The following ZSCAN29 variants were observed in gnomAD, a reference collection of about 807,000 sequenced individuals.
ZSCAN29 encodes the protein zinc finger and SCAN domain containing 29.
A neutral mutation model predicts 71.9 loss-of-function variants in ZSCAN29; 55 were observed. The ratio of observed to expected loss-of-function variants is 0.76; its 90% confidence interval spans 0.62 to 0.96. The LOEUF is 0.96. Among genes scored for constraint, ZSCAN29 ranks in the 40% least tolerant of loss-of-function variants. The pLI is 0.00. For synonymous variants in ZSCAN29, 351 were observed against 371.6 expected (o/e 0.94, Z 0.64); for missense variants, 1,042 against 1,042.2 (o/e 1.00, Z 0.00).
rs1271599490 is a variant in ZSCAN29 at position 43,358,650 on chromosome 15, A to G, written c.*2423T>C. The G allele has an allele frequency of 2.0e-5, 3 of 152,250 alleles. No individual in the cohort carries two copies. Among genetic ancestry groups the G allele is most frequent in the South Asian group, 2.1e-4 (1 of 4,836 alleles). The allele number at this position is 152,250 out of a possible 1,614,324, so 9.4% of individuals were successfully genotyped here. On this transcript the variant is annotated 3_prime_UTR_variant, in exon 6 of 6. Transcript: ENST00000684362. The stretch of plus-strand genomic sequence containing the variant: ...AATTCTAATTGAATGTGAAACGGCT[A>G]CTTATCCCAGTCCTTGGCCATCTGG...
Position 43,361,645 on chromosome 15 carries a change from T to C in ZSCAN29, c.1987A>G (p.Asn663Asp). The change falls in exon 6 of 6, where the codon AAC (asparagine) becomes GAC (aspartate). Residue 663 changes from asparagine to aspartate, a missense_variant. By Grantham distance (23) the Asn-to-Asp change is conservative. Transcript: ENST00000684362. The part of the protein sequence containing the change: ...YLKYSKSFGP[N>D]SLLMHQVSHQ... Reference sequence around the variant, plus strand: ...GATACCTGATGCATGAGAAGGGAGTTTGGACCAAAGCTTTTGCTGTATTTG... The same window carrying C: ...GATACCTGATGCATGAGAAGGGAGTCTGGACCAAAGCTTTTGCTGTATTTG... 2 of 1,614,180 alleles carry C rather than the reference T, an allele frequency of 1.2e-6. No homozygotes were observed. The highest frequency in any genetic ancestry group is 1.7e-6 in the Non-Finnish European group (2 of 1,180,026).
intron 5 of ZSCAN29, 90 bp from the exon 6 acceptor site, chr15:43,362,031 C>CTG (rs1232856969): frequency 3.6e-5 from 49 of 1,354,462 alleles, no homozygotes; most frequent in Non-Finnish European, 4.9e-5. Context: ...AGCATTACAC[C>CTG]ACATGATTAA....
In ZSCAN29 at chr15:43,366,368, G is replaced by C; in HGVS notation, c.964C>G (p.Pro322Ala). ...VKSGHPPETCPFFEEMEALMS... is the reference protein window; with the variant it reads ...VKSGHPPETCAFFEEMEALMS... ...AGGGCTTCCATCTCTTCAAAGAAGG[G>C]GCAGGTCTCAGGTGGGTGGCCGCTC... The change falls in exon 4 of 6, where the codon CCC becomes GCC. Residue 322 changes from proline to alanine, a missense_variant. Coordinates refer to ENST00000684362, the MANE Select transcript of ZSCAN29 (RefSeq NM_001372080.1). 2 of 1,614,022 alleles carry C rather than the reference G, an allele frequency of 1.2e-6. No homozygotes were observed. The highest frequency in any genetic ancestry group is 1.7e-6 in the Non-Finnish European group (2 of 1,180,048).
intron 4 of ZSCAN29, among the ~76,000 whole-genome samples, chr15:43,365,368 G>A (rs185480902): frequency 1.3e-5 from 2 of 152,302 alleles, no homozygotes; most frequent in Admixed American, 1.3e-4. Flanking sequence ...GGATTCCATA[G>A]GCAAGAATAT....
intron 5 of ZSCAN29, 98 bp from the exon 6 acceptor site, chr15:43,362,039 T>C: frequency 7.8e-7 from 1 of 1,285,264 alleles, no homozygotes; most frequent in South Asian, 1.5e-5. Flanking sequence ...ACCACATGAT[T>C]AAAATTTAGG....
chr15:43,364,232 G>A lies in ZSCAN29; in HGVS notation c.1373C>T (p.Pro458Leu). 1 of 1,614,152 alleles carries A rather than the reference G, an allele frequency of 6.2e-7. No homozygotes were observed. Among genetic ancestry groups the A allele is most frequent in the Non-Finnish European group, 8.5e-7 (1 of 1,180,028 alleles). Residue 458 changes from proline to leucine, a missense_variant, in exon 5 of 6, where the codon CCA becomes CTA. By Grantham distance (98) the Pro-to-Leu change is moderately conservative. Coordinates refer to ENST00000684362, the MANE Select transcript of ZSCAN29 (RefSeq NM_001372080.1). ...TTTAAACTTGGTCCGACACTGTTCT[G>A]GGGTCCTAAGAAAGCCATATTCCCA... ...RLWEYGFLRT[P>L]EQCRTKFKSL... is the part of the protein sequence containing the mutation.
At position 43,366,519 on chromosome 15, in the gene ZSCAN29, G is replaced by A. The variant is rs1171362939; in HGVS notation, c.813C>T (p.Asn271=). The change falls in exon 4 of 6, where the codon AAC becomes AAT. Residue 271 remains asparagine (N), a synonymous_variant. Coordinates refer to ENST00000684362, the MANE Select transcript of ZSCAN29 (RefSeq NM_001372080.1). The stretch of plus-strand genomic sequence containing the variant: ...CATACACTTGGCTGTTCCTATGGCA[G>A]TTTCTGAGAGCCTCATAAAACTCAG... The part of the protein sequence containing the change: ...SQTEFYEALR[N]CHRNSQVYGA... The A allele has an allele frequency of 3.1e-6, 5 of 1,614,244 alleles. No homozygotes were observed. The highest frequency in any genetic ancestry group is 4.2e-6 in the Non-Finnish European group (5 of 1,180,036).
rs1033911840 is a variant in ZSCAN29, at chr15:43,358,464, A to G, written c.*2609T>C. On this transcript the variant is annotated 3_prime_UTR_variant, in exon 6 of 6. Transcript: ENST00000684362. ...TTGTAGCTTCCTGTCTGCTTAGGCA[A>G]CATAACAGAAGTACCATCTTCCCTT... is the stretch of plus-strand genomic sequence containing the variant. 1 of 152,184 alleles carries G rather than the reference A, an allele frequency of 6.6e-6. No individual in the cohort carries two copies. Among genetic ancestry groups the G allele is most frequent in the Non-Finnish European group, 1.5e-5 (1 of 68,040 alleles). 9.4% of individuals were successfully genotyped at this position (152,184 alleles called of 1,614,324 possible).
At position 43,361,239 on chromosome 15, in the gene ZSCAN29, CTCTT is replaced by C; in HGVS notation, c.2389_2392del (p.Lys797ValfsTer49). 6 of 1,614,186 alleles carry C rather than the reference CTCTT, an allele frequency of 3.7e-6. No individual in the cohort carries two copies. Among genetic ancestry groups the C allele is most frequent in the South Asian group, 1.1e-5 (1 of 91,082 alleles). ...ACGTAAGTCAGAACTCTTACTGAAA[CTCTT>C]TCCACAGTCAGGACACACATGGGGT... On this transcript the variant is annotated frameshift_variant, in exon 6 of 6. Transcript: ENST00000684362. LOFTEE classifies it high-confidence loss of function.
intron 5 of ZSCAN29, among the ~76,000 whole-genome samples, chr15:43,362,865 T>A (rs2043995718): frequency 6.6e-6 from 1 of 152,222 alleles, no homozygotes; most frequent in Non-Finnish European, 1.5e-5. Flanking sequence ...AATGCTGATC[T>A]TAAAGACTTA....
chr15:43,369,518 T>A, intron 2 of ZSCAN29, 78 bp downstream of exon 2: 1 of 1,477,600 alleles, frequency 6.8e-7, no homozygotes, highest in Non-Finnish European at 9.2e-7. Context: ...TGTGTCCCTC[T>A]TTAAGCCTGT....
Position 43,358,986 on chromosome 15 carries a change from C to G in ZSCAN29, c.*2087G>C, listed in dbSNP as rs968795500. 2.6e-5 allele frequency: 4 copies of G among 152,202 alleles called. No homozygotes were observed. Among genetic ancestry groups the G allele is most frequent in the Non-Finnish European group, 5.9e-5 (4 of 68,056 alleles). 9.4% of individuals were successfully genotyped at this position (152,202 alleles called of 1,614,324 possible). ...AGCTTTATCTGGCCTTCCTTACAGT[C>G]TATCCTTTGCCCTTTGTTCCATCTA... On this transcript the variant is annotated 3_prime_UTR_variant, in exon 6 of 6. Transcript: ENST00000684362.
chr15:43,359,128 G>A lies in ZSCAN29; in HGVS notation c.*1945C>T, dbSNP rs928081079. 1 of 152,046 alleles carries A rather than the reference G, an allele frequency of 6.6e-6. No individual in the cohort carries two copies. Among genetic ancestry groups the A allele is most frequent in the African/African-American group, 2.4e-5 (1 of 41,380 alleles). The allele number at this position is 152,046 out of a possible 1,614,324, so 9.4% of individuals were successfully genotyped here. A position where few individuals can be genotyped will look rare whatever the true frequency, so the allele number is the denominator to read the frequency against. On this transcript the variant is annotated 3_prime_UTR_variant, in exon 6 of 6. Coordinates refer to ENST00000684362, the MANE Select transcript of ZSCAN29 (RefSeq NM_001372080.1). ...TTTAACCAGTAACCTTCCCTCCTTT[G>A]ACCACTTCCTGCTTCATGAAGCCTT...
chr15:43,364,072 A>C lies in ZSCAN29; in HGVS notation c.1533T>G (p.Ser511=), dbSNP rs1393682894. The C allele has an allele frequency of 1.2e-6, 2 of 1,614,050 alleles. No homozygotes were observed. Among genetic ancestry groups the C allele is most frequent in the Non-Finnish European group, 1.7e-6 (2 of 1,180,046 alleles). The stretch of plus-strand genomic sequence containing the variant: ...CCTCACTGGTCCCCTGGACGGGGCA[A>C]GAAGCAGTCTCTTCCTGGCCATCAT... The part of the protein sequence containing the change: ...PPNDGQEETA[S]CPVQGTSEAE... The change falls in exon 5 of 6, where the codon TCT becomes TCG. Residue 511 remains serine, a synonymous_variant. Coordinates refer to ENST00000684362, the MANE Select transcript of ZSCAN29 (RefSeq NM_001372080.1).
intron 5 of ZSCAN29, 139 bp from the exon 6 acceptor site, chr15:43,362,080 CT>C: frequency 1.2e-6 from 1 of 827,002 alleles, no homozygotes; most frequent in Non-Finnish European, 1.8e-6. Flanking sequence ...CTACCATTAT[CT>C]TATTAAAATC....
chr15:43,363,041 G>C (rs577925445), intron 5 of ZSCAN29, among the ~76,000 whole-genome samples: 2 of 151,158 alleles, frequency 1.3e-5, no homozygotes, highest in Non-Finnish European at 2.9e-5. Context: ...GCAATGGCAC[G>C]ATCTCAGCTC....
At position 43,360,975 on chromosome 15, in the gene ZSCAN29, A is replaced by G; in HGVS notation, c.*98T>C. ...CATAAATCCTAAAGTGAATTTCCTA[A>G]GCTAACTGGACACAGAATAGTAGAT... On this transcript the variant is annotated 3_prime_UTR_variant, in exon 6 of 6. Coordinates refer to ENST00000684362, the MANE Select transcript of ZSCAN29 (RefSeq NM_001372080.1). 1 of 1,452,210 alleles carries G rather than the reference A, an allele frequency of 6.9e-7. No homozygotes were observed. Among genetic ancestry groups the G allele is most frequent in the Non-Finnish European group, 9.2e-7 (1 of 1,084,840 alleles). The allele number at this position is 1,452,210 out of a possible 1,614,324, so 90.0% of individuals were successfully genotyped here.
At chr15:43,368,205 T>C (rs1268010150) in intron 3 of ZSCAN29, among the ~76,000 whole-genome samples, 2 of 152,166 alleles carry the variant, frequency 1.3e-5, no homozygotes, top group Non-Finnish European at 2.9e-5. Flanking sequence ...AAGGTTCCAA[T>C]AGAGAGCAAC....
At position 43,366,697 on chromosome 15, in the gene ZSCAN29, C is replaced by T; in HGVS notation, c.635G>A (p.Gly212Glu). The T allele has an allele frequency of 6.2e-7, 1 of 1,614,204 alleles. No homozygotes were observed. Among genetic ancestry groups the T allele is most frequent in the Non-Finnish European group, 8.5e-7 (1 of 1,180,010 alleles). ...EKELPSGSHI[G>E]DRRVHADLLP... The stretch of plus-strand genomic sequence containing the variant: ...CAGATCAGCATGCACTCGTCTGTCT[C>T]CTATGTGGCTGCCACTTGGAAGTTC... Residue 212 changes from glycine (G) to glutamate (E), a missense_variant, in exon 4 of 6, where the codon GGA (glycine) becomes GAA (glutamate). Gly to Glu is a moderately conservative substitution (Grantham distance 98, BLOSUM62 -2). Coordinates refer to ENST00000684362, the MANE Select transcript of ZSCAN29 (RefSeq NM_001372080.1).
Sources: allele counts gnomAD v4.1 joint callset (sites outside exome capture counted in the v4.1 genomes callset), GRCh38; gene constraint gnomAD v4.1.1; transcripts MANE v1.5; gene names NCBI Gene and HGNC (gene_info 2026-07-23, HGNC 2026-07-21).